Variants in LIMCH1 observed in about 807,000 individuals in gnomAD.
The protein encoded by LIMCH1 is LIM and calponin homology domains-containing protein 1.
A neutral mutation model predicts 176.5 loss-of-function variants in LIMCH1; 113 were observed. The observed-to-expected ratio is 0.64, with a 90% CI of 0.55 to 0.75. The LOEUF (loss-of-function observed/expected upper bound fraction) is 0.75. Ranked by LOEUF, LIMCH1 falls within the 30% of genes least tolerant of loss-of-function variation. The pLI, the probability that LIMCH1 is intolerant of heterozygous loss-of-function variation, is 0.00. For missense variants in LIMCH1, 1,674 were observed against 1,814.9 expected, an observed-to-expected ratio of 0.92 and a Z score of 1.41; for synonymous variants, 619 against 645.9, an observed-to-expected ratio of 0.96 and a Z score of 0.63.
At chr4:41,476,222 A>G (rs2067719163) in intron 1 of LIMCH1, among the ~76,000 whole-genome samples, 1 of 152,170 alleles carries the variant, frequency 6.6e-6, no homozygotes, top group South Asian at 2.1e-4. Flanking sequence ...TGTGGCCACA[A>G]GGTCCCATTG....
At chr4:41,397,738 G>A (rs2057959125) in intron 1 of LIMCH1, among the ~76,000 whole-genome samples, 1 of 151,978 alleles carries the variant, frequency 6.6e-6, no homozygotes, top group Non-Finnish European at 1.5e-5. Context: ...ATTTGTAATT[G>A]AATGTGCTGT....
chr4:41,619,239 T>G lies in LIMCH1; in HGVS notation c.257T>G (p.Val86Gly). The G allele has an allele frequency of 6.2e-7, 1 of 1,614,082 alleles. No individual in the cohort carries two copies. The highest frequency in any genetic ancestry group is 8.5e-7 in the Non-Finnish European group (1 of 1,180,006). The change falls in exon 6 of 32, where the codon GTG (valine) becomes GGG (glycine). Residue 86 changes from valine to glycine, a missense_variant. Around this residue, in one of 3 missense-constraint regions of LIMCH1, gnomAD observed 655 missense variants for 692.2 expected, o/e 0.95. Transcript: ENST00000503057. ...SDLPHRKLPD[V>G]KKDDMSARRT... ...TTGCCTCATCGGAAGCTGCCAGATG[T>G]GAAGAAGGATGACATGTCTGCACGG... is the stretch of plus-strand genomic sequence containing the variant.
intron 1 of LIMCH1, among the ~76,000 whole-genome samples, chr4:41,435,556 A>G (rs1163930163): frequency 6.6e-6 from 1 of 152,226 alleles, no homozygotes; most frequent in Non-Finnish European, 1.5e-5. Flanking sequence ...ACTTAGAAAC[A>G]TTGAAGCTAC....
At chr4:41,535,496 G>A (rs1450148845), upstream of LIMCH1, among the ~76,000 whole-genome samples, 3 of 152,090 alleles carry the variant, frequency 2.0e-5, no homozygotes, top group Non-Finnish European at 4.4e-5. Flanking sequence ...TCTTTCCCCT[G>A]TATGTATCTG....
At chr4:41,655,755 C>T (rs185718754) in intron 18 of LIMCH1, among the ~76,000 whole-genome samples, 6 of 151,926 alleles carry the variant, frequency 3.9e-5, no homozygotes, top group East Asian at 1.9e-4. Context: ...AGCAATTCTC[C>T]GGGGCTCAAG....
At chr4:41,450,072 G>T (rs1561409074) in intron 1 of LIMCH1, among the ~76,000 whole-genome samples, 1 of 152,154 alleles carries the variant, frequency 6.6e-6, no homozygotes, top group East Asian at 1.9e-4. Flanking sequence ...CCCATTTCCA[G>T]ATAAGGTCAC....
intron 1 of LIMCH1, among the ~76,000 whole-genome samples, chr4:41,564,034 T>C (rs771120536): frequency 2.6e-5 from 4 of 152,188 alleles, no homozygotes; most frequent in Non-Finnish European, 4.4e-5. Context: ...CATGGTTAAG[T>C]GACTTACCCT....
At chr4:41,683,868 T>G (rs1718337183) in intron 26 of LIMCH1, among the ~76,000 whole-genome samples, 1 of 152,250 alleles carries the variant, frequency 6.6e-6, no homozygotes, top group Admixed American at 6.5e-5. Context: ...AAATGTAACT[T>G]TACAGAAAAC....
intron 1 of LIMCH1, among the ~76,000 whole-genome samples, chr4:41,435,471 G>A (rs2061993931): frequency 6.6e-6 from 1 of 152,144 alleles, no homozygotes; most frequent in Non-Finnish European, 1.5e-5. Flanking sequence ...ATGGTTTTAA[G>A]CCACTAAACT....
At chr4:41,619,511 A>G in intron 6 of LIMCH1, 71 bp downstream of exon 6, 1 of 1,578,784 alleles carries the variant, frequency 6.3e-7, no homozygotes, top group Non-Finnish European at 8.6e-7. Flanking sequence ...GCTCCTGGAC[A>G]GGAACGAGGT....
chr4:41,569,622 A>G (rs2083254924), intron 1 of LIMCH1, among the ~76,000 whole-genome samples: 2 of 152,298 alleles, frequency 1.3e-5, no homozygotes, highest in East Asian at 1.9e-4. Context: ...CACATTAGCT[A>G]TATAGTACCT....
At chr4:41,491,557 C>T (rs1212126524) in intron 1 of LIMCH1, among the ~76,000 whole-genome samples, 2 of 149,418 alleles carry the variant, frequency 1.3e-5, no homozygotes, top group Non-Finnish European at 1.5e-5. Context: ...TAGAGGCGCT[C>T]CTCACATCCC....
At chr4:41,640,219 A>G (rs1186076400) in intron 14 of LIMCH1, among the ~76,000 whole-genome samples, 1 of 152,204 alleles carries the variant, frequency 6.6e-6, no homozygotes, top group Non-Finnish European at 1.5e-5. Context: ...TACTTTTCAA[A>G]CCTGCAATGG....
intron 1 of LIMCH1, among the ~76,000 whole-genome samples, chr4:41,598,707 G>GA (rs1335839835): frequency 6.6e-6 from 1 of 152,106 alleles, no homozygotes; most frequent in South Asian, 2.1e-4. Flanking sequence ...AAGCTAACGG[G>GA]AAAAAATGAA....
At position 41,599,134 on chromosome 4, in the gene LIMCH1, A is replaced by G. The variant is rs1368561300; in HGVS notation, c.-134+108A>G. 4.7e-6 allele frequency: 3 copies of G among 639,046 alleles called. No individual in the cohort carries two copies. In the African/African-American group the frequency reaches 5.5e-5, roughly 12 times the overall value. The allele number at this position is 639,046 out of a possible 1,614,324, so 39.6% of individuals were successfully genotyped here. On this transcript the variant is annotated intron_variant, in intron 2 of 31. Transcript: ENST00000503057. ...AGACAGAGAATTGGTTATGCTTAAT[A>G]AAATAAAAATGTGAAGGTAAAAATC...
chr4:41,528,839 G>T (rs2076958267), intron 3 of LIMCH1, among the ~76,000 whole-genome samples: 1 of 152,200 alleles, frequency 6.6e-6, no homozygotes, highest in African/African-American at 2.4e-5. Flanking sequence ...ATTTACAAAG[G>T]CATGAATAGG....
At chr4:41,412,220 T>G (rs1162278496) in intron 1 of LIMCH1, among the ~76,000 whole-genome samples, 1 of 152,198 alleles carries the variant, frequency 6.6e-6, no homozygotes, top group African/African-American at 2.4e-5. Flanking sequence ...AGATTTCATA[T>G]GGCACTTGGT....
At chr4:41,681,996 A>G (rs1716377989) in intron 25 of LIMCH1, among the ~76,000 whole-genome samples, 1 of 152,210 alleles carries the variant, frequency 6.6e-6, no homozygotes, top group Non-Finnish European at 1.5e-5. Context: ...GGCAGAAGTT[A>G]TATCAAGACC....
chr4:41,568,664 T>C (rs2083092413), intron 1 of LIMCH1, among the ~76,000 whole-genome samples: 1 of 152,236 alleles, frequency 6.6e-6, no homozygotes, highest in African/African-American at 2.4e-5. Flanking sequence ...TTGGAGGATA[T>C]ACTCAAATGT....
Sources: gnomAD v4.1 joint callset for allele counts (sites outside exome capture counted in the v4.1 genomes callset) on GRCh38, gnomAD v4.1.1 for gene constraint, gnomAD v4.1.1 regional missense constraint, MANE v1.5 for transcripts, NCBI Gene and HGNC (gene_info 2026-07-23, HGNC 2026-07-21) for gene names.